ROBO2: variants seen among roughly 807,000 people sequenced by gnomAD.
The protein encoded by ROBO2 is roundabout guidance receptor 2.
In ROBO2, 53 loss-of-function variants were observed where a neutral mutation model predicts 160.8. The observed-to-expected ratio is 0.33, with a 90% CI of 0.26 to 0.41. ROBO2 has a LOEUF of 0.41. Among genes scored for constraint, ROBO2 ranks in the 10% least tolerant of loss-of-function variants. ROBO2 has a pLI of 1.00. For synonymous variants in ROBO2, 664 were observed against 611.7 expected (o/e 1.09, Z -1.26); for missense variants, 1,577 against 1,722.4 (o/e 0.92, Z 1.49).
intron 2 of ROBO2, among the ~76,000 whole-genome samples, chr3:76,453,052 T>C (rs2109298132): frequency 6.6e-6 from 1 of 152,288 alleles, no homozygotes; most frequent in African/African-American, 2.4e-5. Flanking sequence ...TTTATTTGAG[T>C]TCATTGTAGA....
At chr3:77,083,276 G>C (rs191199151) in intron 1 of ROBO2, among the ~76,000 whole-genome samples, 1 of 152,256 alleles carries the variant, frequency 6.6e-6, no homozygotes, top group Admixed American at 6.5e-5. Flanking sequence ...TCAGAGTTTT[G>C]TACTTCATCG....
Position 76,041,356 on chromosome 3 carries a change from T to A in ROBO2, c.109+103754T>A, listed in dbSNP as rs76436508. On this transcript the variant is annotated intron_variant, in intron 2 of 26. Transcript: ENST00000487694. ...TTTCTGAGCTACTAATAAAAACTTA[T>A]GTAGAACTTTTGTGTCGGAGACCCT... Among the ~76,000 whole-genome samples, 1,066 of 152,126 alleles carry A rather than the reference T, an allele frequency of 7.0e-3. 65 individuals are homozygous for A. In the East Asian group the frequency reaches 0.15, roughly 22 times the overall value.
intron 2 of ROBO2, among the ~76,000 whole-genome samples, chr3:77,406,774 G>A (rs12492221): frequency 0.16 from 23,753 of 151,724 alleles, 2,326 homozygotes; most frequent in East Asian, 0.25. Flanking sequence ...CCCATTTCTC[G>A]GAGACAAGTC....
chr3:76,731,340 A>G (rs6808931), intron 2 of ROBO2, among the ~76,000 whole-genome samples: 100,983 of 152,022 alleles, frequency 0.66, 33,767 homozygotes, highest in African/African-American at 0.74. Context: ...GACACTGGGT[A>G]CCACAGAACT....
In ROBO2 at chr3:76,470,242, A is replaced by G. The variant is rs992504088; in HGVS notation, c.109+532640A>G. 2.4e-4 allele frequency among the ~76,000 whole-genome samples: 37 copies of G among 152,192 alleles called. 1 individual carries two copies. Among genetic ancestry groups the G allele is most frequent in the Admixed American group, 2.3e-3 (35 of 15,260 alleles). Reference sequence around the variant, plus strand: ...TAAATGCAGTCCAGATTTAAAATTGATAAGTGGATTCTATTTCAGTTACCT... The same window carrying G: ...TAAATGCAGTCCAGATTTAAAATTGGTAAGTGGATTCTATTTCAGTTACCT... On this transcript the variant is annotated intron_variant, in intron 2 of 26. Transcript: ENST00000487694.
rs372765069 is a variant in ROBO2 at position 76,075,131 on chromosome 3, C to T, written c.109+137529C>T. ...ACATTGCTTCCCTGCATGATCTTCC[C>T]GCAGCCTGTTTGAATTGTCCTCTGC... On this transcript the variant is annotated intron_variant, in intron 2 of 26. Transcript: ENST00000487694. 2.1e-4 allele frequency among the ~76,000 whole-genome samples: 32 copies of T among 151,968 alleles called. 1 individual carries two copies. The South Asian group carries it at 4.6e-3, about 22-fold the overall frequency.
At chr3:77,229,325 A>G (rs1170466276) in intron 2 of ROBO2, among the ~76,000 whole-genome samples, 1 of 152,132 alleles carries the variant, frequency 6.6e-6, no homozygotes, top group African/African-American at 2.4e-5. Flanking sequence ...GTGTACTATA[A>G]TGCTAATATT....
At chr3:76,176,238 A>G (rs1237654160) in intron 2 of ROBO2, among the ~76,000 whole-genome samples, 1 of 152,004 alleles carries the variant, frequency 6.6e-6, no homozygotes, top group Non-Finnish European at 1.5e-5. Context: ...CTCCACCGCC[A>G]CCTTCACAGC....
chr3:76,521,808 TAG>T (rs1167725282), intron 2 of ROBO2, among the ~76,000 whole-genome samples: 3 of 152,202 alleles, frequency 2.0e-5, no homozygotes, highest in Non-Finnish European at 4.4e-5. Context: ...ATTATTCTTA[TAG>T]AGTTATTATA....
At chr3:77,535,798 T>C (rs2153638305) in intron 6 of ROBO2, among the ~76,000 whole-genome samples, 1 of 152,256 alleles carries the variant, frequency 6.6e-6, no homozygotes, top group African/African-American at 2.4e-5. Context: ...ATCTCTCAAT[T>C]TATACCTATG....
At chr3:76,769,534 G>A (rs1702454550) in intron 2 of ROBO2, among the ~76,000 whole-genome samples, 1 of 151,302 alleles carries the variant, frequency 6.6e-6, no homozygotes, top group African/African-American at 2.4e-5. Context: ...CAGAACAAAG[G>A]CCAAAATAAC....
At chr3:76,406,614 ACT>A (rs533493795) in intron 2 of ROBO2, among the ~76,000 whole-genome samples, 104 of 151,920 alleles carry the variant, frequency 6.8e-4, no homozygotes, top group African/African-American at 2.4e-3. Context: ...AACATGATTC[ACT>A]CATAGTCACA....
intron 2 of ROBO2, among the ~76,000 whole-genome samples, chr3:76,331,205 C>CT (rs1311986323): frequency 6.6e-6 from 1 of 151,952 alleles, no homozygotes; most frequent in Non-Finnish European, 1.5e-5. Context: ...AGTTTTGTAA[C>CT]TTTTTTTCTG....
At position 77,550,997 on chromosome 3, in the gene ROBO2, A is replaced by C. The variant is rs570212736; in HGVS notation, c.1231+8A>C. On this transcript the variant is annotated splice_region_variant and intron_variant, in intron 8 of 25. Coordinates refer to ENST00000461745, the Ensembl canonical transcript of ROBO2. ...AACTGGAGGTTACTGATGGTGCGATATCTTTACTAGATTTGTCTTATGAAA... is the reference window on the plus strand; with the variant it reads ...AACTGGAGGTTACTGATGGTGCGATCTCTTTACTAGATTTGTCTTATGAAA... 6.2e-7 allele frequency: 1 copy of C among 1,612,328 alleles called. No individual in the cohort carries two copies. Among genetic ancestry groups the C allele is most frequent in the Middle Eastern group, 1.7e-4 (1 of 6,042 alleles).
intron 2 of ROBO2, among the ~76,000 whole-genome samples, chr3:76,808,728 C>CAATG (rs1356630520): frequency 6.6e-6 from 1 of 152,032 alleles, no homozygotes; most frequent in Non-Finnish European, 1.5e-5. Flanking sequence ...AGCAGTAAAT[C>CAATG]AATGACTGTG....
chr3:77,202,903 G>A (rs2083049647), intron 2 of ROBO2, among the ~76,000 whole-genome samples: 1 of 152,220 alleles, frequency 6.6e-6, no homozygotes, highest in South Asian at 2.1e-4. Context: ...ATCCAGGACA[G>A]TTTCTAGCAG....
chr3:76,930,250 GC>G (rs1166438473), intron 2 of ROBO2, among the ~76,000 whole-genome samples: 5 of 151,840 alleles, frequency 3.3e-5, no homozygotes, highest in African/African-American at 4.8e-5. Flanking sequence ...CAAGTGATCT[GC>G]CCACCTCTGC....
At position 77,028,986 on chromosome 3, in the gene ROBO2, T is replaced by C. The variant is rs150305159; in HGVS notation, c.110-69028T>C. ...ATGCGTAGTCTAATTGATCAGCATA[T>C]CTACTGATGAATTTGGTCCGGGATT... On this transcript the variant is annotated intron_variant, in intron 2 of 26. Coordinates refer to the ROBO2 transcript ENST00000487694. Among the ~76,000 whole-genome samples, 862 of 152,346 alleles carry C rather than the reference T, an allele frequency of 5.7e-3. 6 individuals are homozygous for C. The highest frequency in any genetic ancestry group is 0.02 in the African/African-American group (823 of 41,580).
chr3:77,365,322 C>G (rs191836212), intron 2 of ROBO2, among the ~76,000 whole-genome samples: 30 of 152,160 alleles, frequency 2.0e-4, no homozygotes, highest in Admixed American at 1.1e-3. Context: ...TTTGTACATC[C>G]TTGTGTTAAG....
Sources: gnomAD v4.1 joint callset for allele counts (sites outside exome capture counted in the v4.1 genomes callset) on GRCh38, gnomAD v4.1.1 for gene constraint, MANE v1.5 for transcripts, NCBI Gene and HGNC (gene_info 2026-07-23, HGNC 2026-07-21) for gene names.